Variants in FGD4 observed in about 807,000 individuals in gnomAD.
FGD4 encodes FYVE, RhoGEF and PH domain containing 4.
Under a neutral mutation model 102.0 loss-of-function variants are expected in FGD4, and 42 were observed. The ratio of observed to expected loss-of-function variants is 0.41; its 90% confidence interval spans 0.32 to 0.53. FGD4 has a LOEUF of 0.53. Among genes scored for constraint, FGD4 ranks in the 20% least tolerant of loss-of-function variants. The probability of loss-of-function intolerance (pLI) is 0.21; values close to 1 mark genes in which losing one functional copy is unlikely to be tolerated. For synonymous variants in FGD4, 380 were observed against 375.7 expected (o/e 1.01, Z -0.13); for missense variants, 902 against 1,078.2 (o/e 0.84, Z 2.29).
intron 4 of FGD4, among the ~76,000 whole-genome samples, chr12:32,596,787 T>G (rs896621094): frequency 3.7e-4 from 56 of 151,706 alleles, no homozygotes; most frequent in African/African-American, 1.3e-3. Flanking sequence ...AATACAAAAT[T>G]AGCCGGCCGT....
chr12:32,640,367 C>T lies in FGD4; in HGVS notation c.2546C>T (p.Thr849Ile). 1 of 1,614,184 alleles carries T rather than the reference C, an allele frequency of 6.2e-7. No homozygotes were observed. The highest frequency in any genetic ancestry group is 8.5e-7 in the Non-Finnish European group (1 of 1,180,046). Residue 849 changes from threonine (T) to isoleucine (I), a missense_variant, in exon 17 of 17, where the codon ACC becomes ATC. Thr to Ile is a moderately conservative substitution (Grantham distance 89). Transcript: ENST00000534526. ...SADLPHSFKL[T>I]QSKSVHSFAA... The stretch of plus-strand genomic sequence containing the variant: ...GACCTGCCACACAGTTTCAAACTGA[C>T]CCAGTCTAAGTCCGTGCACAGCTTT...
intron 14 of FGD4, among the ~76,000 whole-genome samples, chr12:32,627,204 G>A (rs1235995429): frequency 6.6e-6 from 1 of 150,596 alleles, no homozygotes; most frequent in Non-Finnish European, 1.5e-5. Context: ...GCCCAGGCTG[G>A]AGTGCAATGT....
chr12:32,586,803 G>C (rs1166871506), intron 4 of FGD4, among the ~76,000 whole-genome samples: 1 of 152,136 alleles, frequency 6.6e-6, no homozygotes, highest in African/African-American at 2.4e-5. Context: ...AGAATGGAAG[G>C]CAGAACCTAT....
rs201890945 is a variant in FGD4 at position 32,615,292 on chromosome 12, TTGG to T, written c.1749+4014_1749+4016del. Among the ~76,000 whole-genome samples the T allele has an allele frequency of 6.2e-3, 945 of 152,252 alleles. 7 individuals are homozygous for T. The highest frequency in any genetic ancestry group is 0.02 in the African/African-American group (829 of 41,554). On this transcript the variant is annotated intron_variant, in intron 10 of 16. Coordinates refer to ENST00000534526, the MANE Select transcript of FGD4 (RefSeq NM_001370298.3). ...GCAAATGCATAGAGAGAGGATGTAA[TTGG>T]TGGTTCCCTAAGACTAGCAAGGAAT...
At chr12:32,511,606 T>G (rs575939549) in intron 1 of FGD4, among the ~76,000 whole-genome samples, 120 of 152,190 alleles carry the variant, frequency 7.9e-4, no homozygotes, top group African/African-American at 2.8e-3. Context: ...CCGGCCTGAT[T>G]GGTGTGATTT....
At chr12:32,459,348 C>T (rs919031840) in intron 1 of FGD4, among the ~76,000 whole-genome samples, 6 of 151,956 alleles carry the variant, frequency 3.9e-5, no homozygotes, top group Admixed American at 2.6e-4. Context: ...TGTGCGCCAC[C>T]ACGCCTGGCT....
At chr12:32,632,705 A>ATTTTTTT (rs1275380016) in intron 14 of FGD4, among the ~76,000 whole-genome samples, 16 of 124,884 alleles carry the variant, frequency 1.3e-4, no homozygotes, top group African/African-American at 4.5e-4. Context: ...TTATTTATTT[A>ATTTTTTT]TTTATTTATT....
At chr12:32,526,664 T>A (rs977069828) in intron 1 of FGD4, among the ~76,000 whole-genome samples, 27 of 152,190 alleles carry the variant, frequency 1.8e-4, no homozygotes, top group African/African-American at 6.3e-4. Context: ...GGAGCTTTGT[T>A]CTTTCGCTAT....
chr12:32,500,866 T>A (rs901767765), intron 1 of FGD4, among the ~76,000 whole-genome samples: 9 of 152,228 alleles, frequency 5.9e-5, no homozygotes, highest in African/African-American at 2.2e-4. Context: ...CTTTAGTCAT[T>A]CATCAGATTT....
At chr12:32,619,219 A>G (rs1214731798) in intron 10 of FGD4, among the ~76,000 whole-genome samples, 1 of 152,232 alleles carries the variant, frequency 6.6e-6, no homozygotes, top group Non-Finnish European at 1.5e-5. Flanking sequence ...ATGTAGGAAT[A>G]TGATTTTTTA....
At chr12:32,420,684 T>A (rs1309629738) in intron 1 of FGD4, among the ~76,000 whole-genome samples, 1 of 152,144 alleles carries the variant, frequency 6.6e-6, no homozygotes, top group African/African-American at 2.4e-5. Flanking sequence ...AAAAAATTCC[T>A]CCTGCTTTCA....
chr12:32,643,758 T>G lies in FGD4; in HGVS notation c.*3225T>G, dbSNP rs1187844447. 1 of 152,064 alleles carries G rather than the reference T, an allele frequency of 6.6e-6. No homozygotes were observed. Among genetic ancestry groups the G allele is most frequent in the Non-Finnish European group, 1.5e-5 (1 of 67,934 alleles). 9.4% of individuals were successfully genotyped at this position (152,064 alleles called of 1,614,324 possible). ...GTACTGCAGGGTTGTTAAAGATTCT[T>G]TGATGCCTTCTAAAAACTTTTGTCA... On this transcript the variant is annotated 3_prime_UTR_variant, in exon 17 of 17. Coordinates refer to ENST00000534526, the MANE Select transcript of FGD4 (RefSeq NM_001370298.3).
intron 1 of FGD4, among the ~76,000 whole-genome samples, chr12:32,482,354 G>A (rs1943791443): frequency 6.6e-6 from 1 of 152,126 alleles, no homozygotes. Flanking sequence ...CATGCTTCTT[G>A]TTTTCTATTT....
At chr12:32,444,630 C>G (rs1030285046) in intron 1 of FGD4, among the ~76,000 whole-genome samples, 2 of 152,176 alleles carry the variant, frequency 1.3e-5, no homozygotes, top group Non-Finnish European at 2.9e-5. Context: ...GTCTCGAACT[C>G]CTGACCTCAG....
At chr12:32,532,440 A>C (rs1179199537) in intron 1 of FGD4, among the ~76,000 whole-genome samples, 1 of 152,170 alleles carries the variant, frequency 6.6e-6, no homozygotes, top group African/African-American at 2.4e-5. Context: ...AATGGTGATA[A>C]ATTAACACTA....
intron 1 of FGD4, among the ~76,000 whole-genome samples, chr12:32,434,408 C>G (rs1196098154): frequency 1.3e-5 from 2 of 152,192 alleles, no homozygotes; most frequent in Non-Finnish European, 2.9e-5. Flanking sequence ...GTTTTAAATA[C>G]AGTTTTTTAC....
chr12:32,536,349 A>G (rs1419151724), intron 1 of FGD4, among the ~76,000 whole-genome samples: 4 of 152,218 alleles, frequency 2.6e-5, no homozygotes, highest in Non-Finnish European at 4.4e-5. Context: ...GGAGGTCAAG[A>G]GTAGATAGGA....
intron 1 of FGD4, among the ~76,000 whole-genome samples, chr12:32,516,739 G>A (rs1592074633): frequency 6.6e-6 from 1 of 152,224 alleles, no homozygotes; most frequent in Middle Eastern, 3.4e-3. Context: ...TAAAATCCCA[G>A]GGTAGTTATT....
rs565612895 is a variant in FGD4 at position 32,584,594 on chromosome 12, CCCT to C, written c.1011+2130_1011+2132del. Among the ~76,000 whole-genome samples the C allele has an allele frequency of 1.9e-3, 285 of 151,554 alleles. 1 individual carries two copies. The highest frequency in any genetic ancestry group is 6.7e-3 in the African/African-American group (277 of 41,212). ...GCCCTATCTTCATGTTGTAACCCCCCCCTCCCAAAAAAAAAGAAAAATCTTAAG... is the reference window on the plus strand; with the variant it reads ...GCCCTATCTTCATGTTGTAACCCCCCCCCAAAAAAAAAGAAAAATCTTAAG... On this transcript the variant is annotated intron_variant, in intron 4 of 16. Coordinates refer to ENST00000534526, the MANE Select transcript of FGD4 (RefSeq NM_001370298.3).
Sources: gnomAD v4.1 joint callset for allele counts (sites outside exome capture counted in the v4.1 genomes callset) on GRCh38, gnomAD v4.1.1 for gene constraint, MANE v1.5 for transcripts, NCBI Gene and HGNC (gene_info 2026-07-23, HGNC 2026-07-21) for gene names.